The following LYPLAL1 variants were observed in gnomAD, a reference collection of about 807,000 sequenced individuals.
The protein encoded by LYPLAL1 is lysophospholipase like 1.
A neutral mutation model predicts 19.7 loss-of-function variants in LYPLAL1; 23 were observed. The observed-to-expected ratio is 1.17, with a 90% CI of 0.84 to 1.65. The LOEUF is 1.65. LYPLAL1 is among the 40% of genes most tolerant of loss of function. The pLI, the probability that LYPLAL1 is intolerant of heterozygous loss-of-function variation, is 0.00. For missense variants in LYPLAL1, 355 were observed against 279.4 expected (o/e 1.27, Z -1.93); for synonymous variants, 119 against 96.3 (o/e 1.24, Z -1.38).
At chr1:219,196,339 A>C (rs1657599923) in intron 3 of LYPLAL1, among the ~76,000 whole-genome samples, 1 of 152,054 alleles carries the variant, frequency 6.6e-6, no homozygotes, top group Non-Finnish European at 1.5e-5. Context: ...CCAGCATATT[A>C]AAAATTCAAA....
the LYPLAL1 span, among the ~76,000 whole-genome samples, chr1:219,223,537 T>TCTCATAAA: frequency 2.0e-5 from 3 of 152,196 alleles, no homozygotes; most frequent in Non-Finnish European, 2.9e-5. Context: ...CATTATTATG[T>TCTCATAAA]GCTTTTTCTT....
the LYPLAL1 span, among the ~76,000 whole-genome samples, chr1:219,414,390 A>G: frequency 5.4e-3 from 818 of 152,320 alleles, 11 homozygotes; most frequent in African/African-American, 0.018. Flanking sequence ...CTGGCACTCA[A>G]TGGAGCCTCA....
the LYPLAL1 span, among the ~76,000 whole-genome samples, chr1:219,364,616 G>A: frequency 2.0e-5 from 3 of 152,106 alleles, no homozygotes; most frequent in African/African-American, 7.2e-5. Flanking sequence ...AAACTCCATA[G>A]TGTGGCAGGC....
At chr1:219,213,442 CAAA>C (rs549367764), downstream of LYPLAL1, among the ~76,000 whole-genome samples, 1 of 137,670 alleles carries the variant, frequency 7.3e-6, no homozygotes, top group Non-Finnish European at 1.6e-5. Flanking sequence ...TCTGTATCTA[CAAA>C]AAAAAAAAAT....
the LYPLAL1 span, among the ~76,000 whole-genome samples, chr1:219,293,850 G>A: frequency 2.6e-4 from 40 of 152,320 alleles, no homozygotes; most frequent in South Asian, 7.5e-3. Context: ...CAAGTTTAAG[G>A]AAGAGAAAGG....
the LYPLAL1 span, among the ~76,000 whole-genome samples, chr1:219,314,831 G>C: frequency 6.6e-6 from 1 of 152,204 alleles, no homozygotes; most frequent in African/African-American, 2.4e-5. Context: ...TTTTGACTCA[G>C]TAGGCCTGAG....
intron 1 of LYPLAL1, among the ~76,000 whole-genome samples, chr1:219,176,812 G>C (rs1655856164): frequency 6.6e-6 from 1 of 152,132 alleles, no homozygotes; most frequent in South Asian, 2.1e-4. Context: ...TCATCTAACT[G>C]CCTGATAGAC....
At position 219,210,611 on chromosome 1, in the gene LYPLAL1, T is replaced by C; in HGVS notation, c.441T>C (p.Leu147=). The C allele has an allele frequency of 6.2e-7, 1 of 1,610,166 alleles. No individual in the cohort carries two copies. The highest frequency in any genetic ancestry group is 8.5e-7 in the Non-Finnish European group (1 of 1,177,732). ...AAGATGTGGCAGGAGTATTTGCTCT[T>C]TCTAGTTTTCTGAATAAAGCATCTG... ...NHQDVAGVFA[L]SSFLNKASAV... is the part of the protein sequence containing the mutation. The change falls in exon 4 of 5, where the codon CTT becomes CTC. Residue 147 remains leucine (L), a synonymous_variant. Coordinates refer to ENST00000366928, the MANE Select transcript of LYPLAL1 (RefSeq NM_138794.5).
At chr1:219,392,625 C>G in the LYPLAL1 span, among the ~76,000 whole-genome samples, 22 of 152,236 alleles carry the variant, frequency 1.4e-4, no homozygotes, top group Admixed American at 4.6e-4. Context: ...AATTAATCTC[C>G]AAAATAAGGC....
the LYPLAL1 span, among the ~76,000 whole-genome samples, chr1:219,308,342 G>T: frequency 6.6e-6 from 1 of 152,180 alleles, no homozygotes; most frequent in African/African-American, 2.4e-5. Flanking sequence ...TGATAGAAAA[G>T]AAAATCCCAT....
chr1:219,205,281 C>A (rs989425585), intron 3 of LYPLAL1, among the ~76,000 whole-genome samples: 2 of 145,426 alleles, frequency 1.4e-5, no homozygotes, highest in African/African-American at 5.0e-5. Flanking sequence ...GGCGTGAACC[C>A]GGGAAGCGGA....
At chr1:219,340,389 C>A in the LYPLAL1 span, among the ~76,000 whole-genome samples, 2 of 151,912 alleles carry the variant, frequency 1.3e-5, no homozygotes, top group African/African-American at 2.4e-5. Flanking sequence ...TGTTATTATA[C>A]AAGAAAGAAT....
chr1:219,416,300 A>C, the LYPLAL1 span, among the ~76,000 whole-genome samples: 1 of 152,184 alleles, frequency 6.6e-6, no homozygotes, highest in Non-Finnish European at 1.5e-5. Flanking sequence ...CTTGTTTCTG[A>C]GGACCATGAC....
At chr1:219,212,967 A>G (rs1659153497), downstream of LYPLAL1, 1 of 151,984 alleles carries the variant, frequency 6.6e-6, no homozygotes, top group Non-Finnish European at 1.5e-5. Flanking sequence ...GAAATAGCCA[A>G]CTCTTTGAGA....
chr1:219,301,303 T>C, the LYPLAL1 span, among the ~76,000 whole-genome samples: 1 of 152,108 alleles, frequency 6.6e-6, no homozygotes, highest in Non-Finnish European at 1.5e-5. Flanking sequence ...AGAAAACAGG[T>C]ACAAAAAGAC....
chr1:219,244,775 A>G, the LYPLAL1 span, among the ~76,000 whole-genome samples: 1 of 152,002 alleles, frequency 6.6e-6, no homozygotes, highest in East Asian at 1.9e-4. Flanking sequence ...GTGAGACCCT[A>G]TCGCTACTAA....
At chr1:219,392,613 A>G in the LYPLAL1 span, among the ~76,000 whole-genome samples, 1 of 152,236 alleles carries the variant, frequency 6.6e-6, no homozygotes, top group Admixed American at 6.5e-5. Context: ...TCACCTAAAT[A>G]AAATTAATCT....
the LYPLAL1 span, among the ~76,000 whole-genome samples, chr1:219,223,835 T>C: frequency 6.6e-6 from 1 of 152,190 alleles, no homozygotes; most frequent in Admixed American, 6.5e-5. Context: ...GTTACTTCAG[T>C]TTTTATTGTG....
the LYPLAL1 span, among the ~76,000 whole-genome samples, chr1:219,234,921 T>G: frequency 6.6e-6 from 1 of 152,296 alleles, no homozygotes; most frequent in African/African-American, 2.4e-5. Context: ...CTTTTAAAAA[T>G]TTTTTAAGTT....
Sources: gnomAD v4.1 joint callset for allele counts (sites outside exome capture counted in the v4.1 genomes callset) on GRCh38, gnomAD v4.1.1 for gene constraint, MANE v1.5 for transcripts, NCBI Gene and HGNC (gene_info 2026-07-23, HGNC 2026-07-21) for gene names.